Variants in MGA observed in about 807,000 individuals in gnomAD.
The protein encoded by MGA is MAX gene-associated protein.
MGA carries 40 observed loss-of-function variants against 261.1 expected under a neutral mutation model. The ratio of observed to expected loss-of-function variants is 0.15; its 90% CI spans 0.12 to 0.20. The LOEUF (loss-of-function observed/expected upper bound fraction) is 0.20, where lower values mean the gene tolerates loss of function less well. Ranked by LOEUF, MGA falls within the 10% of genes least tolerant of loss-of-function variation. The pLI is 1.00. For synonymous variants in MGA, 1,302 were observed against 1,290.6 expected, an observed-to-expected ratio of 1.01 and a Z score of -0.19; for missense variants, 3,397 against 3,630.5, an observed-to-expected ratio of 0.94 and a Z score of 1.65.
intron 2 of MGA, among the ~76,000 whole-genome samples, chr15:41,693,292 A>C: frequency 1.4e-5 from 2 of 145,130 alleles, no homozygotes; most frequent in South Asian, 2.4e-4. Flanking sequence ...ATATCTCCCA[A>C]TGCTATCCCT....
At chr15:41,640,130 G>C (rs570942805) in intron 1 of MGA, among the ~76,000 whole-genome samples, 3 of 152,312 alleles carry the variant, frequency 2.0e-5, no homozygotes, top group African/African-American at 7.2e-5. Flanking sequence ...AATAGGAGGA[G>C]ATTAGGGAGA....
chr15:41,709,647 C>T (rs112896623), intron 7 of MGA, among the ~76,000 whole-genome samples: 43,557 of 151,644 alleles, frequency 0.29, 7,368 homozygotes, highest in Admixed American at 0.38. Flanking sequence ...TGTTGCCCAG[C>T]CTGGTCTTGA....
intron 15 of MGA, among the ~76,000 whole-genome samples, chr15:41,743,823 C>T (rs1342016609): frequency 6.6e-6 from 1 of 152,134 alleles, no homozygotes; most frequent in East Asian, 1.9e-4. Context: ...GTTTAGGGCT[C>T]TAATATTTTT....
chr15:41,698,967 T>C, intron 4 of MGA, 26 bp downstream of exon 4: 1 of 1,543,112 alleles, frequency 6.5e-7, no homozygotes, highest in Non-Finnish European at 8.8e-7. Context: ...ATAAAAAGAG[T>C]TGTATTTGTG....
At chr15:41,675,624 A>G (rs1002953672) in intron 2 of MGA, among the ~76,000 whole-genome samples, 4 of 152,048 alleles carry the variant, frequency 2.6e-5, no homozygotes, top group Admixed American at 6.6e-5. Flanking sequence ...GGATCCTCCT[A>G]CCTCAGCCTC....
intron 12 of MGA, among the ~76,000 whole-genome samples, chr15:41,735,892 A>G (rs2061752462): frequency 6.6e-6 from 1 of 152,186 alleles, no homozygotes; most frequent in Non-Finnish European, 1.5e-5. Context: ...GTTGTAGGTC[A>G]TGGTTTGTTT....
intron 18 of MGA, among the ~76,000 whole-genome samples, chr15:41,757,056 AGAAG>A (rs2063193292): frequency 6.6e-6 from 1 of 152,074 alleles, no homozygotes; most frequent in African/African-American, 2.4e-5. Context: ...GTTACTTTTG[AGAAG>A]GAAGGAAGGG....
intron 1 of MGA, among the ~76,000 whole-genome samples, chr15:41,662,621 G>A (rs893327576): frequency 3.3e-5 from 5 of 152,136 alleles, no homozygotes; most frequent in Non-Finnish European, 7.4e-5. Context: ...AGTATTAATA[G>A]TTGGCTATTT....
intron 15 of MGA, among the ~76,000 whole-genome samples, chr15:41,743,976 C>G (rs952133725): frequency 6.6e-6 from 1 of 151,992 alleles, no homozygotes; most frequent in Non-Finnish European, 1.5e-5. Flanking sequence ...CATAGAGGAA[C>G]TAATATGGAA....
intron 1 of MGA, among the ~76,000 whole-genome samples, chr15:41,642,312 T>G (rs904822963): frequency 6.8e-5 from 9 of 132,342 alleles, no homozygotes; most frequent in Non-Finnish European, 1.4e-4. Flanking sequence ...ATTTGTGGTG[T>G]TTTTTTTTTT....
chr15:41,710,943 CTG>C lies in MGA; in HGVS notation c.2680_2681del (p.Val894LeufsTer18). 6.2e-7 allele frequency: 1 copy of C among 1,613,980 alleles called. No individual in the cohort carries two copies. Among genetic ancestry groups the C allele is most frequent in the Non-Finnish European group, 8.5e-7 (1 of 1,179,884 alleles). Reference sequence around the variant, plus strand: ...TCTTTGAAACCTCATTCTGTACCCCCTGTCTCTCGAAAGGCAAAGTCTCAAAA... The same window carrying C: ...TCTTTGAAACCTCATTCTGTACCCCCTCTCTCGAAAGGCAAAGTCTCAAAA... On this transcript the variant is annotated frameshift_variant, in exon 8 of 24. Coordinates refer to ENST00000219905, the MANE Select transcript of MGA (RefSeq NM_001164273.2). LOFTEE classifies it high-confidence loss of function.
intron 1 of MGA, among the ~76,000 whole-genome samples, chr15:41,635,678 A>C (rs962488095): frequency 9.2e-5 from 14 of 152,350 alleles, no homozygotes; most frequent in African/African-American, 3.4e-4. Flanking sequence ...CCTGGGTAAC[A>C]GAGTGGGTGT....
Position 41,766,956 on chromosome 15 carries a change from C to T in MGA, c.8874C>T (p.Pro2958=), listed in dbSNP as rs778359808. 36 of 1,613,812 alleles carry T rather than the reference C, an allele frequency of 2.2e-5. No individual in the cohort carries two copies. The African/African-American group carries it at 2.3e-4, about 10-fold the overall frequency. The stretch of plus-strand genomic sequence containing the variant: ...ATACTTCTGGCCTCCCTGCAGAGCC[C>T]GAAAGTGTGTCCTCACCCCCCACCC... Residue 2958 remains proline, a synonymous_variant, in exon 24 of 24, where the codon CCC becomes CCT. Coordinates refer to ENST00000219905, the MANE Select transcript of MGA (RefSeq NM_001164273.2).
intron 1 of MGA, among the ~76,000 whole-genome samples, chr15:41,663,662 G>C (rs1210298082): frequency 1.3e-5 from 2 of 151,970 alleles, no homozygotes; most frequent in African/African-American, 4.8e-5. Context: ...GTAGAGAGAG[G>C]GTTTTGTCAT....
At chr15:41,758,742 G>A (rs561561352) in intron 19 of MGA, among the ~76,000 whole-genome samples, 2 of 152,142 alleles carry the variant, frequency 1.3e-5, no homozygotes, top group Admixed American at 1.3e-4. Flanking sequence ...AATGCATAAT[G>A]GGTTTAACTT....
At chr15:41,622,589 G>A (rs1035707135) in intron 1 of MGA, among the ~76,000 whole-genome samples, 9 of 152,106 alleles carry the variant, frequency 5.9e-5, no homozygotes, top group Non-Finnish European at 7.4e-5. Flanking sequence ...TGTATTTTCT[G>A]GGAGGAAATC....
At chr15:41,650,817 T>C (rs2057027937) in intron 1 of MGA, among the ~76,000 whole-genome samples, 1 of 152,224 alleles carries the variant, frequency 6.6e-6, no homozygotes, top group Non-Finnish European at 1.5e-5. Flanking sequence ...AGAGTGAATA[T>C]GTATCATGAA....
chr15:41,687,160 A>G (rs1213657822), intron 2 of MGA, among the ~76,000 whole-genome samples: 1 of 151,842 alleles, frequency 6.6e-6, no homozygotes, highest in Non-Finnish European at 1.5e-5. Flanking sequence ...TCTCATCATT[A>G]ACTCCTTTGT....
chr15:41,633,722 C>T (rs1007596929), intron 1 of MGA, among the ~76,000 whole-genome samples: 21 of 152,234 alleles, frequency 1.4e-4, no homozygotes, highest in South Asian at 2.1e-4. Context: ...TGTGCCCGGC[C>T]TGTGATATAT....
Sources: allele counts gnomAD v4.1 joint callset (sites outside exome capture counted in the v4.1 genomes callset), GRCh38; gene constraint gnomAD v4.1.1; transcripts MANE v1.5; gene names NCBI Gene and HGNC (gene_info 2026-07-23, HGNC 2026-07-21).